TFEC: variants seen among roughly 807,000 people sequenced by gnomAD.
TFEC encodes class E basic helix-loop-helix protein 34.
In TFEC, 31 loss-of-function variants were observed where a neutral mutation model predicts 41.6. The observed-to-expected ratio is 0.74, with a 90% CI of 0.56 to 1.01. The LOEUF is 1.01. Among genes scored for constraint, TFEC ranks in the 50% least tolerant of loss-of-function variants. TFEC has a pLI of 0.00. For missense variants in TFEC, 402 were observed against 404.1 expected, an observed-to-expected ratio of 0.99 and a Z score of 0.04; for synonymous variants, 143 against 140.6, an observed-to-expected ratio of 1.02 and a Z score of -0.12.
At chr7:115,962,315 A>AT (rs1792598774) in intron 3 of TFEC, among the ~76,000 whole-genome samples, 1 of 151,792 alleles carries the variant, frequency 6.6e-6, no homozygotes, top group African/African-American at 2.4e-5. Flanking sequence ...TTCCAACTGC[A>AT]TTTTTTAAAG....
At chr7:116,144,574 T>C (rs1283920525) in intron 1 of TFEC, among the ~76,000 whole-genome samples, 1 of 152,092 alleles carries the variant, frequency 6.6e-6, no homozygotes, top group Non-Finnish European at 1.5e-5. Flanking sequence ...GGTCTCAAAC[T>C]CCTGGGTTCA....
intron 1 of TFEC, among the ~76,000 whole-genome samples, chr7:115,988,938 A>C (rs1280400840): frequency 7.2e-5 from 11 of 152,196 alleles, no homozygotes; most frequent in Non-Finnish European, 1.5e-4. Flanking sequence ...GCAAGCAAGA[A>C]GAGAGGAATT....
intron 3 of TFEC, among the ~76,000 whole-genome samples, chr7:116,062,208 GTGCCAACAT>G (rs1354952709): frequency 2.4e-5 from 3 of 124,156 alleles, no homozygotes; most frequent in Non-Finnish European, 4.8e-5. Context: ...CTACAGGCAT[GTGCCAACAT>G]GCCTGGCCTT....
At chr7:116,000,095 A>G (rs926500281) in intron 1 of TFEC, among the ~76,000 whole-genome samples, 2 of 152,098 alleles carry the variant, frequency 1.3e-5, no homozygotes, top group African/African-American at 2.4e-5. Flanking sequence ...ACTAAATTCA[A>G]CAACACATTA....
intron 3 of TFEC, among the ~76,000 whole-genome samples, chr7:115,965,121 A>C (rs1417387751): frequency 6.6e-6 from 1 of 151,702 alleles, no homozygotes; most frequent in Admixed American, 6.6e-5. Flanking sequence ...GTTTTAACTG[A>C]CGTTGATATG....
At chr7:116,066,490 T>C (rs112400436) in intron 3 of TFEC, among the ~76,000 whole-genome samples, 7 of 152,164 alleles carry the variant, frequency 4.6e-5, no homozygotes, top group African/African-American at 1.7e-4. Context: ...GGGTTATATA[T>C]ATATATATGA....
At chr7:116,127,481 C>T (rs974758504) in intron 1 of TFEC, among the ~76,000 whole-genome samples, 9 of 152,098 alleles carry the variant, frequency 5.9e-5, no homozygotes, top group Admixed American at 1.3e-4. Flanking sequence ...TTTGCACTTA[C>T]TTCCATTGTC....
In TFEC at chr7:115,956,688, C is replaced by A; in HGVS notation, c.373G>T (p.Glu125Ter). The A allele has an allele frequency of 6.3e-7, 1 of 1,599,392 alleles. No homozygotes were observed. The highest frequency in any genetic ancestry group is 8.5e-7 in the Non-Finnish European group (1 of 1,173,718). Residue 125 changes from glutamate (E) to a stop codon, truncating the protein, a stop_gained, in exon 4 of 8, where the codon GAA becomes TAA. Transcript: ENST00000265440. LOFTEE classifies it high-confidence loss of function. ...SCPSSLPMKR[E>*]ITETDTRALA... ...ATAAAAGCAACATTACCTGTAATTT[C>A]TCTTTTCATTGGTAGACTACTTGGA...
chr7:116,024,657 TACTC>T (rs1431952866), intron 1 of TFEC, among the ~76,000 whole-genome samples: 22 of 152,172 alleles, frequency 1.4e-4, no homozygotes, highest in Non-Finnish European at 2.9e-4. Flanking sequence ...ACTGTTTTGA[TACTC>T]AATACAACTC....
At chr7:115,953,295 A>G (rs1792046230) in intron 5 of TFEC, among the ~76,000 whole-genome samples, 1 of 152,086 alleles carries the variant, frequency 6.6e-6, no homozygotes, top group African/African-American at 2.4e-5. Flanking sequence ...AGAATGGAAC[A>G]TAATTTTATG....
intron 3 of TFEC, among the ~76,000 whole-genome samples, chr7:116,065,365 C>G (rs912631869): frequency 6.6e-6 from 1 of 152,028 alleles, no homozygotes; most frequent in Admixed American, 6.6e-5. Context: ...TCATGGTTTA[C>G]CTTATCATTC....
At chr7:115,960,517 TTGAG>T (rs1319339812) in intron 3 of TFEC, among the ~76,000 whole-genome samples, 1 of 151,680 alleles carries the variant, frequency 6.6e-6, no homozygotes, top group Non-Finnish European at 1.5e-5. Flanking sequence ...AGATCAAAGA[TTGAG>T]TGAAACACAT....
intron 4 of TFEC, 118 bp downstream of exon 4, chr7:115,956,561 C>T: frequency 9.4e-6 from 5 of 532,590 alleles, no homozygotes; most frequent in South Asian, 4.5e-5. Context: ...TACTGTCTGC[C>T]TTCTTTTTTG....
At chr7:116,142,942 C>A (rs1798570605) in intron 1 of TFEC, among the ~76,000 whole-genome samples, 1 of 152,142 alleles carries the variant, frequency 6.6e-6, no homozygotes, top group African/African-American at 2.4e-5. Flanking sequence ...ATTTATAGAA[C>A]CCTCTGAGTT....
chr7:116,135,142 C>T (rs1798410019), intron 1 of TFEC, among the ~76,000 whole-genome samples: 1 of 152,020 alleles, frequency 6.6e-6, no homozygotes, highest in Non-Finnish European at 1.5e-5. Context: ...ATGAACAGAG[C>T]CACCGTGTAC....
chr7:115,967,071 C>A (rs939458981), intron 3 of TFEC, among the ~76,000 whole-genome samples: 1 of 151,224 alleles, frequency 6.6e-6, no homozygotes, highest in South Asian at 2.1e-4. Flanking sequence ...GAATCTTTGG[C>A]ATATATATGT....
At chr7:116,049,001 C>A (rs1161926191) in intron 3 of TFEC, among the ~76,000 whole-genome samples, 3 of 152,204 alleles carry the variant, frequency 2.0e-5, no homozygotes, top group Non-Finnish European at 4.4e-5. Context: ...TGGAAAGGAA[C>A]AGCCAGTACC....
intron 3 of TFEC, among the ~76,000 whole-genome samples, chr7:116,095,709 C>T (rs1797436442): frequency 6.6e-6 from 1 of 152,180 alleles, no homozygotes; most frequent in Non-Finnish European, 1.5e-5. Flanking sequence ...GCTATGATCA[C>T]CTCAGTTCAA....
In TFEC at chr7:115,940,626, A is replaced by C. The variant is rs146430791; in HGVS notation, c.969T>G (p.Ser323=). Residue 323 remains serine (S), a synonymous_variant, in exon 8 of 8, where the codon TCT becomes TCG. Transcript: ENST00000265440. ...CTTTGGAAACTGCAGGGGAAGTGGC[A>C]GATAGCAGAGGATCTGTTCCAAATG... The part of the protein sequence containing the change: ...ISPFGTDPLL[S]ATSPAVSKES... 6.2e-7 allele frequency: 1 copy of C among 1,613,418 alleles called. No individual in the cohort carries two copies. The highest frequency in any genetic ancestry group is 1.3e-5 in the African/African-American group (1 of 74,876).
Sources: gnomAD v4.1 joint callset for allele counts (sites outside exome capture counted in the v4.1 genomes callset) on GRCh38, gnomAD v4.1.1 for gene constraint, MANE v1.5 for transcripts, NCBI Gene and HGNC (gene_info 2026-07-23, HGNC 2026-07-21) for gene names.